Variants in ABCC4 observed in about 807,000 individuals in gnomAD.
The protein encoded by ABCC4 is ATP-binding cassette sub-family C member 4.
Under a neutral mutation model 168.5 loss-of-function variants are expected in ABCC4, and 102 were observed. That is an observed-to-expected ratio of 0.61 (90% CI 0.52 to 0.71). ABCC4 has a LOEUF of 0.71. Among genes scored for constraint, ABCC4 ranks in the 30% least tolerant of loss-of-function variants. The pLI is 0.00. For synonymous variants in ABCC4, 617 were observed against 590.7 expected, an observed-to-expected ratio of 1.04 and a Z score of -0.65; for missense variants, 1,402 against 1,605.8, an observed-to-expected ratio of 0.87 and a Z score of 2.17.
chr13:95,206,604 C>G lies in ABCC4; in HGVS notation c.1089G>C (p.Leu363=), dbSNP rs1469453687. 1.2e-6 allele frequency: 2 copies of G among 1,614,040 alleles called. No homozygotes were observed. Among genetic ancestry groups the G allele is most frequent in the African/African-American group, 2.7e-5 (2 of 74,916 alleles). ...VAVTLYGAVR[L]TVTLFFPSAI... ...CTGAGGGGAAGAAGAGGGTAACCGT[C>G]AGCCGCACAGCCCCATACAGCGTCA... The change falls in exon 8 of 31, where the codon CTG becomes CTC. Residue 363 remains leucine, a synonymous_variant. Transcript: ENST00000645237.
At chr13:95,297,215 G>A (rs1167329918) in intron 1 of ABCC4, among the ~76,000 whole-genome samples, 2 of 146,754 alleles carry the variant, frequency 1.4e-5, no homozygotes, top group African/African-American at 5.0e-5. Flanking sequence ...AGGTTGCAGT[G>A]AGCCGAGATC....
At chr13:95,028,904 G>A (rs957160834) in intron 30 of ABCC4, among the ~76,000 whole-genome samples, 4 of 151,984 alleles carry the variant, frequency 2.6e-5, no homozygotes, top group African/African-American at 4.8e-5. Context: ...GGTGGCTCAC[G>A]CCTGTAATCC....
Position 95,164,368 on chromosome 13 carries a change from C to A in ABCC4, c.2175+10G>T, listed in dbSNP as rs748173729. On this transcript the variant is annotated intron_variant, in intron 16 of 30. Transcript: ENST00000645237. ...CATTTTGAGGGCGCAAAACAAATGT[C>A]ATTATTTACCTGAGCTGCAGTGTTT... 1 of 1,613,774 alleles carries A rather than the reference C, an allele frequency of 6.2e-7. No individual in the cohort carries two copies. The highest frequency in any genetic ancestry group is 2.2e-5 in the East Asian group (1 of 44,856).
At chr13:95,193,417 G>A (rs1339523271) in intron 9 of ABCC4, among the ~76,000 whole-genome samples, 2 of 152,132 alleles carry the variant, frequency 1.3e-5, no homozygotes, top group Admixed American at 1.3e-4. Flanking sequence ...CTGGGCCACT[G>A]GGCTCTGCTC....
chr13:95,075,452 G>A lies in ABCC4; in HGVS notation c.2786C>T (p.Ala929Val). ...AEERCQELFD[A>V]HQDLHSEAWF... ...CAGACCTGAATGTAAATCCTGGTGT[G>A]CATCAAACAGTTCCTGACACCTCTC... The change falls in exon 22 of 31, where the codon GCA becomes GTA. Residue 929 changes from alanine to valine, a missense_variant. Coordinates refer to ENST00000645237, the MANE Select transcript of ABCC4 (RefSeq NM_005845.5). The A allele has an allele frequency of 6.2e-7, 1 of 1,614,102 alleles. No individual in the cohort carries two copies. Among genetic ancestry groups the A allele is most frequent in the Non-Finnish European group, 8.5e-7 (1 of 1,179,998 alleles).
intron 20 of ABCC4, among the ~76,000 whole-genome samples, chr13:95,098,100 C>T (rs549861645): frequency 1.1e-3 from 167 of 147,970 alleles, no homozygotes; most frequent in African/African-American, 4.0e-3. Context: ...TGCACCACTG[C>T]ACTCCAGCCT....
chr13:95,296,793 G>A (rs2041546877), intron 1 of ABCC4, among the ~76,000 whole-genome samples: 1 of 152,130 alleles, frequency 6.6e-6, no homozygotes, highest in African/African-American at 2.4e-5. Context: ...GACCCATCTT[G>A]TGCCCAGCTG....
intron 1 of ABCC4, among the ~76,000 whole-genome samples, chr13:95,270,494 T>G (rs2040820424): frequency 6.6e-6 from 1 of 152,170 alleles, no homozygotes; most frequent in Non-Finnish European, 1.5e-5. Flanking sequence ...CCATCATTCC[T>G]GGCACAGGGT....
intron 20 of ABCC4, among the ~76,000 whole-genome samples, chr13:95,108,720 C>A (rs1025828540): frequency 2.0e-5 from 3 of 151,458 alleles, no homozygotes; most frequent in African/African-American, 7.3e-5. Context: ...TGGCTCACTA[C>A]AACCCAAGTT....
intron 4 of ABCC4, among the ~76,000 whole-genome samples, chr13:95,219,001 A>AAGAG (rs2039234723): frequency 3.5e-5 from 4 of 115,678 alleles, no homozygotes; most frequent in East Asian, 3.0e-4. Context: ...GAAAGAAAGA[A>AAGAG]AGAGTGAGAA....
At position 95,075,431 on chromosome 13, in the gene ABCC4, C is replaced by T. The variant is rs778961775; in HGVS notation, c.2806+1G>A. On this transcript the variant is annotated splice_donor_variant, in intron 22 of 30. Coordinates refer to ENST00000645237, the MANE Select transcript of ABCC4 (RefSeq NM_005845.5). LOFTEE classifies it high-confidence loss of function. ...GAAACCATTTCCAGAAATAGACAGA[C>T]CTGAATGTAAATCCTGGTGTGCATC... The T allele has an allele frequency of 2.5e-6, 4 of 1,614,082 alleles. No individual in the cohort carries two copies. Among genetic ancestry groups the T allele is most frequent in the Non-Finnish European group, 3.4e-6 (4 of 1,179,980 alleles).
chr13:95,190,421 A>G (rs554960844), intron 9 of ABCC4, among the ~76,000 whole-genome samples: 67 of 152,320 alleles, frequency 4.4e-4, no homozygotes, highest in African/African-American at 1.4e-3. Flanking sequence ...AATATTTTCA[A>G]TTGAGAGGAT....
At chr13:95,198,225 A>AAC (rs1322854725) in intron 8 of ABCC4, among the ~76,000 whole-genome samples, 23 of 152,234 alleles carry the variant, frequency 1.5e-4, no homozygotes, top group African/African-American at 5.1e-4. Flanking sequence ...ACAGAGGGCT[A>AAC]ACATCCAGAA....
chr13:95,066,349 C>T (rs143778054), intron 25 of ABCC4, among the ~76,000 whole-genome samples: 770 of 152,268 alleles, frequency 5.1e-3, no homozygotes, highest in Non-Finnish European at 8.8e-3. Flanking sequence ...ATAAAATCTG[C>T]GAATTCCTTC....
At chr13:95,060,922 CT>C (rs1480308595) in intron 26 of ABCC4, among the ~76,000 whole-genome samples, 1 of 152,168 alleles carries the variant, frequency 6.6e-6, no homozygotes, top group Non-Finnish European at 1.5e-5. Context: ...CCCTCAGCCC[CT>C]GGTGACGACG....
intron 1 of ABCC4, among the ~76,000 whole-genome samples, chr13:95,257,600 T>C (rs905588359): frequency 2.0e-5 from 3 of 151,384 alleles, no homozygotes; most frequent in African/African-American, 7.3e-5. Flanking sequence ...GAGGCAGAGG[T>C]TGCAGTGAGC....
At chr13:95,275,363 T>A (rs2040947160) in intron 1 of ABCC4, among the ~76,000 whole-genome samples, 1 of 152,152 alleles carries the variant, frequency 6.6e-6, no homozygotes, top group Admixed American at 6.6e-5. Flanking sequence ...GTTAAATAAA[T>A]AAGCACAGAT....
rs1387622280 is a variant in ABCC4, at chr13:95,020,772, A to C, written c.*803T>G. The C allele has an allele frequency of 3.3e-5, 5 of 152,362 alleles. No homozygotes were observed. The East Asian group carries it at 9.6e-4, about 29-fold the overall frequency. The allele number at this position is 152,362 out of a possible 1,614,324, so 9.4% of individuals were successfully genotyped here. On this transcript the variant is annotated 3_prime_UTR_variant, in exon 31 of 31. Transcript: ENST00000645237. ...GCCACGTATTTCAGGAATGTCGGTT[A>C]GAGGTTTGGCCTTCTTGGGAAGTGT...
rs1169329331 is a variant in ABCC4 at position 95,244,613 on chromosome 13, G to GA, written c.306+2361dup. ...AAATAACATGAAAGAAAGAAAGAAA[G>GA]AAAGAAAGAAAGAAAGAAAGAAAGA... is the stretch of plus-strand genomic sequence containing the variant. On this transcript the variant is annotated intron_variant, in intron 3 of 30. Transcript: ENST00000645237. 3.5e-5 allele frequency among the ~76,000 whole-genome samples: 2 copies of GA among 56,750 alleles called. 1 individual carries two copies. The highest frequency in any genetic ancestry group is 6.7e-5 in the Non-Finnish European group (2 of 29,644). The allele number at this position is 56,750 out of a possible 152,430, so 37.2% of individuals were successfully genotyped here. A position where few individuals can be genotyped will look rare whatever the true frequency, so the allele number is the denominator to read the frequency against.
Sources: allele counts gnomAD v4.1 joint callset (sites outside exome capture counted in the v4.1 genomes callset), GRCh38; gene constraint gnomAD v4.1.1; transcripts MANE v1.5; gene names NCBI Gene and HGNC (gene_info 2026-07-23, HGNC 2026-07-21).